Variants in TMOD2 observed in about 807,000 individuals in gnomAD.
TMOD2 encodes tropomodulin-2.
TMOD2 carries 22 observed loss-of-function variants against 39.9 expected under a neutral mutation model. The observed-to-expected ratio is 0.55, with a 90% CI of 0.39 to 0.79. TMOD2 has a LOEUF of 0.79. Among genes scored for constraint, TMOD2 ranks in the 30% least tolerant of loss-of-function variants. TMOD2 has a pLI of 0.00. For synonymous variants in TMOD2, 123 were observed against 146.1 expected, an observed-to-expected ratio of 0.84 and a Z score of 1.14; for missense variants, 386 against 413.3, an observed-to-expected ratio of 0.93 and a Z score of 0.57.
intron 9 of TMOD2, among the ~76,000 whole-genome samples, chr15:51,808,027 A>G (rs1305023834): frequency 6.6e-6 from 1 of 152,226 alleles, no homozygotes; most frequent in African/African-American, 2.4e-5. Flanking sequence ...ACTTCATCCC[A>G]TAATCAGAAT....
At chr15:51,787,796 C>T (rs532959000) in intron 7 of TMOD2, among the ~76,000 whole-genome samples, 5 of 152,226 alleles carry the variant, frequency 3.3e-5, no homozygotes, top group East Asian at 3.9e-4. Context: ...ACTAACAGAA[C>T]GGAATAGCAT....
chr15:51,815,197 G>A lies in TMOD2; in HGVS notation c.*6743G>A, dbSNP rs1489796992. ...AAATCGCTTGAACCCAGGAGGTGGA[G>A]GTTGTAGTGAGCCGAGATCACACCA... On this transcript the variant is annotated 3_prime_UTR_variant, in exon 10 of 10. Transcript: ENST00000249700. The A allele has an allele frequency of 6.6e-6, 1 of 152,184 alleles. No individual in the cohort carries two copies. Among genetic ancestry groups the A allele is most frequent in the African/African-American group, 2.4e-5 (1 of 41,172 alleles). 9.4% of individuals were successfully genotyped at this position (152,184 alleles called of 1,614,324 possible).
At chr15:51,787,318 T>C (rs1310684368) in intron 7 of TMOD2, among the ~76,000 whole-genome samples, 1 of 152,182 alleles carries the variant, frequency 6.6e-6, no homozygotes, top group East Asian at 1.9e-4. Flanking sequence ...TTGGCATTTC[T>C]ATGCTCACAG....
At chr15:51,763,101 ATT>A (rs35778387) in intron 1 of TMOD2, among the ~76,000 whole-genome samples, 49 of 149,444 alleles carry the variant, frequency 3.3e-4, no homozygotes, top group Admixed American at 6.0e-4. Context: ...TGCCCAGCTA[ATT>A]TTTAAAAAAA....
intron 7 of TMOD2, among the ~76,000 whole-genome samples, chr15:51,793,106 C>G: frequency 6.6e-6 from 1 of 152,106 alleles, no homozygotes. Flanking sequence ...ACATAGTAGA[C>G]AAAATTAATT....
At chr15:51,792,633 G>A (rs534908662) in intron 7 of TMOD2, among the ~76,000 whole-genome samples, 43 of 152,292 alleles carry the variant, frequency 2.8e-4, no homozygotes, top group Admixed American at 2.3e-3. Flanking sequence ...ATCAATGATA[G>A]ACTGGATAAA....
chr15:51,783,284 C>T (rs1308460931), intron 7 of TMOD2: 1 of 157,800 alleles, frequency 6.3e-6, no homozygotes, highest in Non-Finnish European at 1.4e-5. Flanking sequence ...GAGTTCGAGA[C>T]CAGCCTGGCC....
intron 7 of TMOD2, chr15:51,784,910 T>C (rs1196764382): frequency 6.6e-6 from 1 of 152,244 alleles, no homozygotes; most frequent in Non-Finnish European, 1.5e-5. Context: ...ACACTACTGG[T>C]AAATAATCTA....
chr15:51,764,737 A>G (rs749436281), intron 1 of TMOD2, among the ~76,000 whole-genome samples: 2 of 152,032 alleles, frequency 1.3e-5, no homozygotes, highest in Non-Finnish European at 2.9e-5. Flanking sequence ...CATATCATTT[A>G]CTGTCTTATC....
chr15:51,809,189 T>C lies in TMOD2; in HGVS notation c.*735T>C, dbSNP rs1192661273. 1 of 152,660 alleles carries C rather than the reference T, an allele frequency of 6.6e-6. No homozygotes were observed. The highest frequency in any genetic ancestry group is 1.9e-4 in the East Asian group (1 of 5,202). 9.5% of individuals were successfully genotyped at this position (152,660 alleles called of 1,614,324 possible). On this transcript the variant is annotated 3_prime_UTR_variant, in exon 10 of 10. Coordinates refer to ENST00000249700, the MANE Select transcript of TMOD2 (RefSeq NM_014548.4). ...CATAAATTGAATCTTTAACATGACT[T>C]TAAAGGCTATTTACAAAGCTGTTTT...
At position 51,813,458 on chromosome 15, in the gene TMOD2, C is replaced by T. The variant is rs1417573213; in HGVS notation, c.*5004C>T. 6.6e-6 allele frequency: 1 copy of T among 152,176 alleles called. No individual in the cohort carries two copies. Among genetic ancestry groups the T allele is most frequent in the Non-Finnish European group, 1.5e-5 (1 of 68,024 alleles). 9.4% of individuals were successfully genotyped at this position (152,176 alleles called of 1,614,324 possible). A position where few individuals can be genotyped will look rare whatever the true frequency, so the allele number is the denominator to read the frequency against. On this transcript the variant is annotated 3_prime_UTR_variant, in exon 10 of 10. Transcript: ENST00000249700. ...TTAACTAACTAGATGTTCTTCTGAT[C>T]TCTTCCATGGTAGACATTCTGAGCA...
chr15:51,755,609 G>T lies in TMOD2; in HGVS notation c.-70+3897G>T, dbSNP rs144157367. On this transcript the variant is annotated intron_variant, in intron 1 of 9. Coordinates refer to ENST00000249700, the MANE Select transcript of TMOD2 (RefSeq NM_014548.4). ...GTCCCTCATCAGAGTGGTTAGAGGA[G>T]TGTGGAGTCCAGTGAGCTGGGCTGC... Among the ~76,000 whole-genome samples the T allele has an allele frequency of 2.6e-5, 4 of 152,266 alleles. No homozygotes were observed. In the East Asian group the frequency reaches 7.8e-4, roughly 30 times the overall value.
chr15:51,805,905 A>G (rs1338937144), intron 8 of TMOD2, among the ~76,000 whole-genome samples: 1 of 152,232 alleles, frequency 6.6e-6, no homozygotes, highest in Non-Finnish European at 1.5e-5. Context: ...AAATGGCAAA[A>G]TTTTATGTGT....
chr15:51,766,024 A>C (rs1360664589), intron 1 of TMOD2, among the ~76,000 whole-genome samples: 1 of 152,238 alleles, frequency 6.6e-6, no homozygotes, highest in Non-Finnish European at 1.5e-5. Flanking sequence ...ATAAGGGAAA[A>C]GCACCCACTA....
intron 8 of TMOD2, among the ~76,000 whole-genome samples, chr15:51,804,825 C>T (rs904316776): frequency 1.3e-5 from 2 of 152,182 alleles, no homozygotes; most frequent in Non-Finnish European, 2.9e-5. Flanking sequence ...CCCGTCTCAG[C>T]CTTCCAAAGT....
intron 1 of TMOD2, among the ~76,000 whole-genome samples, chr15:51,759,477 A>G (rs1361762870): frequency 6.6e-6 from 1 of 152,230 alleles, no homozygotes; most frequent in Admixed American, 6.5e-5. Flanking sequence ...AGAAGAATTT[A>G]TAAGATGAGA....
chr15:51,781,638 C>T (rs972640673), intron 6 of TMOD2, among the ~76,000 whole-genome samples: 1 of 152,180 alleles, frequency 6.6e-6, no homozygotes, highest in Non-Finnish European at 1.5e-5. Context: ...CAGGAGGCCT[C>T]CATTTCTCAC....
chr15:51,802,027 T>G (rs1220216784), intron 8 of TMOD2, among the ~76,000 whole-genome samples: 2 of 151,618 alleles, frequency 1.3e-5, no homozygotes, highest in South Asian at 4.1e-4. Context: ...TATATCCAAA[T>G]TATAAGAAAT....
chr15:51,763,723 T>G (rs569929824), intron 1 of TMOD2, among the ~76,000 whole-genome samples: 1 of 152,342 alleles, frequency 6.6e-6, no homozygotes, highest in East Asian at 1.9e-4. Context: ...TCCAAGACCT[T>G]TACATCCACT....
Sources: allele counts gnomAD v4.1 joint callset (sites outside exome capture counted in the v4.1 genomes callset), GRCh38; gene constraint gnomAD v4.1.1; transcripts MANE v1.5; gene names NCBI Gene and HGNC (gene_info 2026-07-23, HGNC 2026-07-21).